Variants in NOS1 observed in about 807,000 individuals in gnomAD.
The protein encoded by NOS1 is NOS type I.
NOS1 carries 51 observed loss-of-function variants against 164.5 expected under a neutral mutation model. That is an observed-to-expected ratio of 0.31 (90% CI 0.25 to 0.39). The LOEUF is 0.39. NOS1 is among the 10% of genes least tolerant of loss of function. The pLI is 1.00. For missense variants in NOS1, 1,362 were observed against 1,885.6 expected (o/e 0.72, Z 5.14); for synonymous variants, 719 against 745.8 (o/e 0.96, Z 0.59).
At chr12:117,327,080 T>C (rs946320724) in intron 2 of NOS1, among the ~76,000 whole-genome samples, 12 of 152,182 alleles carry the variant, frequency 7.9e-5, no homozygotes, top group African/African-American at 2.2e-4. Flanking sequence ...AGAACTCTGA[T>C]ACTCACCCCT....
Position 117,208,823 on chromosome 12 carries a change from A to C in NOS1, c.*6486T>G. 2.5e-6 allele frequency: 2 copies of C among 787,696 alleles called. No individual in the cohort carries two copies. The highest frequency in any genetic ancestry group is 3.1e-6 in the Non-Finnish European group (2 of 648,852). The allele number at this position is 787,696 out of a possible 1,614,324, so 48.8% of individuals were successfully genotyped here. A position where few individuals can be genotyped will look rare whatever the true frequency, so the allele number is the denominator to read the frequency against. On this transcript the variant is annotated 3_prime_UTR_variant, in exon 29 of 29. Transcript: ENST00000317775. Reference sequence around the variant, plus strand: ...CTGCAGCCTCTGCCTCCTGGGTTCAAGTAATTCTCCTGCCTCAGCCTCCCG... The same window carrying C: ...CTGCAGCCTCTGCCTCCTGGGTTCACGTAATTCTCCTGCCTCAGCCTCCCG...
intron 9 of NOS1, among the ~76,000 whole-genome samples, chr12:117,275,085 A>T (rs1873074354): frequency 6.6e-6 from 1 of 152,328 alleles, no homozygotes; most frequent in Non-Finnish European, 1.5e-5. Context: ...CCCATTCTCC[A>T]TGATGTGCTT....
In NOS1 at chr12:117,353,127, CCTAT is replaced by C. The variant is rs1284766961; in HGVS notation, c.-421+8381_-421+8384del. On this transcript the variant is annotated intron_variant, in intron 1 of 28. Transcript: ENST00000317775. Reference sequence around the variant, plus strand: ...ATCTATCCATCCATCCATTCATGTACCTATCTATCTACCTACCTATATACCTATC... The same window carrying C: ...ATCTATCCATCCATCCATTCATGTACCTATCTACCTACCTATATACCTATC... 4.6e-5 allele frequency among the ~76,000 whole-genome samples: 7 copies of C among 151,944 alleles called. No individual in the cohort carries two copies. In the South Asian group the frequency reaches 1.0e-3, roughly 23 times the overall value.
intron 17 of NOS1, 146 bp from the exon 18 acceptor site, chr12:117,247,668 T>C: frequency 1.5e-6 from 1 of 650,124 alleles, no homozygotes; most frequent in South Asian, 2.4e-5. Flanking sequence ...ATAGGGCCTT[T>C]AAGGGGTAAT....
At chr12:117,355,604 C>A (rs1056713536) in intron 1 of NOS1, among the ~76,000 whole-genome samples, 16 of 152,108 alleles carry the variant, frequency 1.1e-4, no homozygotes, top group Admixed American at 6.5e-5. Context: ...AAGCCCTCTG[C>A]CAGACTAACA....
At chr12:117,302,469 C>T (rs1873883072) in intron 3 of NOS1, among the ~76,000 whole-genome samples, 1 of 151,874 alleles carries the variant, frequency 6.6e-6, no homozygotes, top group Admixed American at 6.6e-5. Flanking sequence ...TGGCGGGCGC[C>T]TGTAGTCCCA....
intron 20 of NOS1, among the ~76,000 whole-genome samples, chr12:117,241,777 C>T (rs570907622): frequency 6.6e-6 from 1 of 152,202 alleles, no homozygotes; most frequent in Non-Finnish European, 1.5e-5. Context: ...ACCGCGCCTG[C>T]GATCTCAGGC....
intron 20 of NOS1, among the ~76,000 whole-genome samples, chr12:117,237,626 A>G (rs1869824062): frequency 2.0e-5 from 3 of 152,052 alleles, no homozygotes; most frequent in Admixed American, 6.6e-5. Flanking sequence ...CGGTGGCTCA[A>G]TGATAGGTTT....
At chr12:117,316,669 A>G (rs551057082) in intron 2 of NOS1, among the ~76,000 whole-genome samples, 94 of 152,294 alleles carry the variant, frequency 6.2e-4, no homozygotes, top group Non-Finnish European at 1.3e-3. Context: ...GCAGGCAACA[A>G]GAGCTTGCAG....
intron 1 of NOS1, among the ~76,000 whole-genome samples, chr12:117,345,742 C>T: frequency 6.6e-6 from 1 of 152,190 alleles, no homozygotes; most frequent in East Asian, 1.9e-4. Context: ...TGCCTGTAAT[C>T]CCAACACTTT....
rs546448911 is a variant in NOS1 at position 117,306,046 on chromosome 12, C to A, written c.852+5420G>T. Among the ~76,000 whole-genome samples, 3 of 152,112 alleles carry A rather than the reference C, an allele frequency of 2.0e-5. No individual in the cohort carries two copies. The East Asian group carries it at 5.8e-4, about 29-fold the overall frequency. On this transcript the variant is annotated intron_variant, in intron 3 of 28. Transcript: ENST00000317775. ...ACCTCAGGTGATCTGCCCACCTCAG[C>A]CTCCCAAAGTGCTGGGATTACAGTC...
intron 17 of NOS1, among the ~76,000 whole-genome samples, chr12:117,248,948 T>C (rs1307610544): frequency 1.3e-5 from 2 of 152,184 alleles, no homozygotes; most frequent in African/African-American, 2.4e-5. Context: ...TGATGGCCAG[T>C]GATGGTGAGC....
chr12:117,302,489 G>A (rs1415710011), intron 3 of NOS1, among the ~76,000 whole-genome samples: 2 of 151,654 alleles, frequency 1.3e-5, no homozygotes, highest in Non-Finnish European at 1.5e-5. Flanking sequence ...AGCTACGCGG[G>A]AGGCTGAGGC....
rs1464790368 is a variant in NOS1 at position 117,243,441 on chromosome 12, G to A, written c.2824-6C>T. On this transcript the variant is annotated splice_region_variant and splice_polypyrimidine_tract_variant and intron_variant, in intron 18 of 28. Transcript: ENST00000317775. The surrounding 1 kb of genome is among the most constrained non-coding windows in gnomAD (Gnocchi z 4.3). Reference sequence around the variant, plus strand: ...CAGAAGACATCACAGGCTGCCTGTGGTGTACACAAGGCTTTCAGTGACCTC... The same window carrying A: ...CAGAAGACATCACAGGCTGCCTGTGATGTACACAAGGCTTTCAGTGACCTC... 1 of 1,613,842 alleles carries A rather than the reference G, an allele frequency of 6.2e-7. No homozygotes were observed. The highest frequency in any genetic ancestry group is 8.5e-7 in the Non-Finnish European group (1 of 1,179,888).
At chr12:117,220,975 C>T (rs1956693904) in intron 26 of NOS1, among the ~76,000 whole-genome samples, 1 of 152,000 alleles carries the variant, frequency 6.6e-6, no homozygotes, top group South Asian at 2.1e-4. Flanking sequence ...AGTAGTCAGA[C>T]ACTGCCCGGA....
At chr12:117,288,248 C>T (rs1365819212) in intron 4 of NOS1, 29 bp from the exon 5 acceptor site, 1 of 1,598,940 alleles carries the variant, frequency 6.3e-7, no homozygotes, top group East Asian at 2.2e-5. Context: ...TGGGGTATTG[C>T]TTGGTTTTAC....
intron 3 of NOS1, among the ~76,000 whole-genome samples, chr12:117,296,259 A>T (rs539291202): frequency 6.6e-6 from 1 of 152,302 alleles, no homozygotes; most frequent in Non-Finnish European, 1.5e-5. Flanking sequence ...ATTTATTTGA[A>T]GCCTGTGATA....
chr12:117,304,041 GT>G (rs1566067704), intron 3 of NOS1, among the ~76,000 whole-genome samples: 1 of 152,108 alleles, frequency 6.6e-6, no homozygotes, highest in East Asian at 1.9e-4. Context: ...GCGTGGCGGC[GT>G]GCGCCTGTAG....
In NOS1 at chr12:117,210,101, T is replaced by C. The variant is rs1035911184; in HGVS notation, c.*5208A>G. Reference sequence around the variant, plus strand: ...GATCCTCCTGCCTCAGCCTCCCAAGTAGCTGGGACCACAGGAGCATGCCAT... The same window carrying C: ...GATCCTCCTGCCTCAGCCTCCCAAGCAGCTGGGACCACAGGAGCATGCCAT... On this transcript the variant is annotated 3_prime_UTR_variant, in exon 29 of 29. Transcript: ENST00000317775. 4 of 627,874 alleles carry C rather than the reference T, an allele frequency of 6.4e-6. No homozygotes were observed. In the African/African-American group the frequency reaches 8.0e-5, roughly 13 times the overall value. 38.9% of individuals were successfully genotyped at this position (627,874 alleles called of 1,614,324 possible).
Sources: allele counts gnomAD v4.1 joint callset (sites outside exome capture counted in the v4.1 genomes callset), GRCh38; gene constraint gnomAD v4.1.1; non-coding constraint Gnocchi (gnomAD v3.1); transcripts MANE v1.5; gene names NCBI Gene and HGNC (gene_info 2026-07-23, HGNC 2026-07-21).